The following HIP1 variants were observed in gnomAD, a reference collection of about 807,000 sequenced individuals.
The protein encoded by HIP1 is huntingtin-interacting protein 1.
A neutral mutation model predicts 147.6 loss-of-function variants in HIP1; 65 were observed. The ratio of observed to expected loss-of-function variants is 0.44; its 90% CI spans 0.36 to 0.54. The LOEUF (loss-of-function observed/expected upper bound fraction) is 0.54, where lower values mean the gene tolerates loss of function less well. Ranked by LOEUF, HIP1 falls within the 20% of genes least tolerant of loss-of-function variation. The pLI is 0.00. For missense variants in HIP1, 1,061 were observed against 1,299.6 expected (o/e 0.82, Z 2.82); for synonymous variants, 479 against 504.0 (o/e 0.95, Z 0.67).
At chr7:75,549,842 T>G (rs1378848987) in intron 22 of HIP1, among the ~76,000 whole-genome samples, 2 of 141,498 alleles carry the variant, frequency 1.4e-5, no homozygotes, top group Non-Finnish European at 3.1e-5. Context: ...GATAATTGTT[T>G]TTTTTTTTTT....
At chr7:75,609,871 T>G (rs1356651289) in intron 1 of HIP1, among the ~76,000 whole-genome samples, 1 of 151,754 alleles carries the variant, frequency 6.6e-6, no homozygotes, top group African/African-American at 2.4e-5. Context: ...CAATGTATTT[T>G]TCTCTCTTCC....
At chr7:75,709,915 C>T (rs1801119342) in intron 1 of HIP1, among the ~76,000 whole-genome samples, 1 of 152,046 alleles carries the variant, frequency 6.6e-6, no homozygotes, top group Admixed American at 6.6e-5. Context: ...TGGTGTCATT[C>T]TGTCAGAGTT....
rs1794151153 is a variant in HIP1, at chr7:75,538,005, C to T, written c.*167G>A. On this transcript the variant is annotated 3_prime_UTR_variant, in exon 31 of 31. Transcript: ENST00000336926. ...CCATGGGTCCAAACAGAAAGGGTGT[C>T]GCTATGGAGGGAGTCTTTGGAAGTG... 5.5e-5 allele frequency: 37 copies of T among 675,102 alleles called. No homozygotes were observed. In the South Asian group the frequency reaches 5.7e-4, roughly 10 times the overall value. The allele number at this position is 675,102 out of a possible 1,614,324, so 41.8% of individuals were successfully genotyped here.
At chr7:75,545,701 T>C (rs1794534804) in intron 25 of HIP1, among the ~76,000 whole-genome samples, 1 of 152,004 alleles carries the variant, frequency 6.6e-6, no homozygotes. Context: ...ATCCCAGCAC[T>C]TTGCGAGGCC....
intron 22 of HIP1, among the ~76,000 whole-genome samples, chr7:75,551,880 CA>C (rs1247707235): frequency 6.6e-6 from 1 of 152,102 alleles, no homozygotes; most frequent in Non-Finnish European, 1.5e-5. Context: ...AGTCTATCCT[CA>C]TGGCTTTTAT....
intron 1 of HIP1, among the ~76,000 whole-genome samples, chr7:75,655,533 G>T (rs2117198342): frequency 6.6e-6 from 1 of 151,706 alleles, no homozygotes; most frequent in South Asian, 2.1e-4. Flanking sequence ...AGTGAGCCGA[G>T]ATCGCACCAC....
intron 1 of HIP1, among the ~76,000 whole-genome samples, chr7:75,728,507 A>C (rs1801724119): frequency 6.6e-6 from 1 of 152,202 alleles, no homozygotes; most frequent in Non-Finnish European, 1.5e-5. Context: ...GCCCGCTGCC[A>C]CACCCAGGTC....
chr7:75,706,484 T>TTTA (rs1554519741), intron 1 of HIP1, among the ~76,000 whole-genome samples: 2 of 145,302 alleles, frequency 1.4e-5, no homozygotes, highest in African/African-American at 5.1e-5. Flanking sequence ...TTTTTTTTTA[T>TTTA]TTTTTTTTTA....
chr7:75,730,734 A>AT (rs782732504), intron 1 of HIP1, among the ~76,000 whole-genome samples: 2,946 of 138,952 alleles, frequency 0.021, 84 homozygotes, highest in African/African-American at 0.066. Flanking sequence ...GTGGGCAGTA[A>AT]TTTTTTTTTT....
intron 1 of HIP1, among the ~76,000 whole-genome samples, chr7:75,735,683 T>G (rs950193512): frequency 2.2e-4 from 22 of 101,008 alleles, no homozygotes; most frequent in African/African-American, 8.2e-4. Flanking sequence ...TTTTCTTTTC[T>G]TTTTCTTTTT....
At chr7:75,688,220 G>A (rs568348471) in intron 1 of HIP1, among the ~76,000 whole-genome samples, 33 of 152,282 alleles carry the variant, frequency 2.2e-4, no homozygotes, top group African/African-American at 7.9e-4. Flanking sequence ...GCCACAATCC[G>A]GGAGGTGGGA....
chr7:75,554,071 C>T (rs1563197964), intron 21 of HIP1, 42 bp downstream of exon 21: 3 of 1,487,360 alleles, frequency 2.0e-6, no homozygotes, highest in Non-Finnish European at 2.8e-6. Context: ...AGGCCCCCTG[C>T]TCCCCTGGTC....
intron 1 of HIP1, among the ~76,000 whole-genome samples, chr7:75,603,894 A>AT (rs1280850113): frequency 6.6e-6 from 1 of 151,940 alleles, no homozygotes; most frequent in Non-Finnish European, 1.5e-5. Context: ...GAAAAAAAAA[A>AT]AGATGCAAGT....
chr7:75,719,571 A>G (rs1801438579), intron 1 of HIP1, among the ~76,000 whole-genome samples: 1 of 152,008 alleles, frequency 6.6e-6, no homozygotes, highest in African/African-American at 2.4e-5. Flanking sequence ...GTCAGGCACA[A>G]TGTTGAGGAC....
At chr7:75,731,333 A>T (rs1390800679) in intron 1 of HIP1, among the ~76,000 whole-genome samples, 3 of 151,750 alleles carry the variant, frequency 2.0e-5, no homozygotes, top group Non-Finnish European at 4.4e-5. Flanking sequence ...AAATACAAAA[A>T]TTAGCTGGGC....
At chr7:75,558,517 CAG>C (rs142318683) in intron 14 of HIP1, among the ~76,000 whole-genome samples, 2,056 of 152,266 alleles carry the variant, frequency 0.014, 46 homozygotes, top group African/African-American at 0.046. Context: ...TTTGTAGAGA[CAG>C]GGTCTCACTA....
At chr7:75,735,677 CTTTTCTTTTTCT>C (rs1331883025) in intron 1 of HIP1, among the ~76,000 whole-genome samples, 1 of 150,942 alleles carries the variant, frequency 6.6e-6, no homozygotes, top group African/African-American at 2.4e-5. Context: ...CTTTTCTTTT[CTTTTCTTTTTCT>C]TTTTCTTTTT....
At chr7:75,658,330 C>T (rs1172976613) in intron 1 of HIP1, among the ~76,000 whole-genome samples, 2 of 152,140 alleles carry the variant, frequency 1.3e-5, no homozygotes, top group African/African-American at 2.4e-5. Context: ...TCAGGTGATA[C>T]CCCCCAACCT....
chr7:75,686,369 G>T (rs564037491), intron 1 of HIP1, among the ~76,000 whole-genome samples: 1 of 151,976 alleles, frequency 6.6e-6, no homozygotes, highest in Non-Finnish European at 1.5e-5. Context: ...TTTGGTTTTC[G>T]CAGTTAGGCC....
Sources: gnomAD v4.1 joint callset for allele counts (sites outside exome capture counted in the v4.1 genomes callset) on GRCh38, gnomAD v4.1.1 for gene constraint, MANE v1.5 for transcripts, NCBI Gene and HGNC (gene_info 2026-07-23, HGNC 2026-07-21) for gene names.